Variants in C12orf42 observed in about 807,000 individuals in gnomAD.
C12orf42 encodes chromosome 12 open reading frame 42, also known as uncharacterized protein C12orf42.
Under a neutral mutation model 21.6 loss-of-function variants are expected in C12orf42, and 25 were observed. That is an observed-to-expected ratio of 1.16 (90% CI 0.84 to 1.62). C12orf42 has a LOEUF of 1.62. C12orf42 is among the 40% of genes most tolerant of loss of function. C12orf42 has a pLI of 0.00. For synonymous variants in C12orf42, 174 were observed against 175.0 expected (o/e 0.99, Z 0.05); for missense variants, 483 against 459.3 (o/e 1.05, Z -0.47).
At chr12:103,506,828 T>TTA in the C12orf42 span, among the ~76,000 whole-genome samples, 1 of 71,926 alleles carries the variant, frequency 1.4e-5, no homozygotes, top group Non-Finnish European at 2.2e-5. Flanking sequence ...ATATATATAT[T>TTA]TATATATTAT....
upstream of C12orf42, among the ~76,000 whole-genome samples, chr12:103,500,390 T>C (rs750998147): frequency 1.4e-4 from 22 of 152,226 alleles, no homozygotes; most frequent in Non-Finnish European, 2.6e-4. Context: ...AAAAGTTACA[T>C]AAAATTATTC....
intron 2 of C12orf42, among the ~76,000 whole-genome samples, chr12:103,415,041 C>T (rs1023956767): frequency 2.0e-5 from 3 of 151,824 alleles, no homozygotes; most frequent in Admixed American, 6.6e-5. Flanking sequence ...TGTAACAACA[C>T]CCGTGGGCTC....
chr12:103,253,278 T>C (rs1020858850), intron 10 of C12orf42, among the ~76,000 whole-genome samples: 1 of 152,286 alleles, frequency 6.6e-6, no homozygotes, highest in South Asian at 2.1e-4. Context: ...AGGATTGTCC[T>C]GGTTATACAT....
intron 10 of C12orf42, among the ~76,000 whole-genome samples, chr12:103,242,501 T>C (rs1335764776): frequency 6.6e-6 from 1 of 152,166 alleles, no homozygotes; most frequent in African/African-American, 2.4e-5. Context: ...CTTCACCCTG[T>C]CTTTTTAAAA....
chr12:103,242,508 A>T (rs1336393136), intron 10 of C12orf42, among the ~76,000 whole-genome samples: 1 of 152,164 alleles, frequency 6.6e-6, no homozygotes. Context: ...CTGTCTTTTT[A>T]AAAAGTTCTT....
intron 2 of C12orf42, among the ~76,000 whole-genome samples, chr12:103,445,732 C>T (rs951092603): frequency 2.0e-5 from 3 of 151,976 alleles, no homozygotes; most frequent in Non-Finnish European, 4.4e-5. Flanking sequence ...GATGCTTAAA[C>T]GAATGGAATC....
At chr12:103,286,691 T>C (rs1468026074) in intron 4 of C12orf42, among the ~76,000 whole-genome samples, 1 of 152,100 alleles carries the variant, frequency 6.6e-6, no homozygotes, top group East Asian at 1.9e-4. Flanking sequence ...TGGATATATT[T>C]GTCCCTCTTT....
chr12:103,146,201 C>G, the C12orf42 span, among the ~76,000 whole-genome samples: 1 of 151,690 alleles, frequency 6.6e-6, no homozygotes, highest in Non-Finnish European at 1.5e-5. Flanking sequence ...AAACATAGGG[C>G]TGGGCGTGGT....
chr12:103,188,888 C>A, the C12orf42 span, among the ~76,000 whole-genome samples: 1 of 152,138 alleles, frequency 6.6e-6, no homozygotes, highest in African/African-American at 2.4e-5. Context: ...TCCAGTAATC[C>A]TTTATAGCAA....
chr12:103,185,693 A>C, the C12orf42 span, among the ~76,000 whole-genome samples: 431 of 151,680 alleles, frequency 2.8e-3, 4 homozygotes, highest in African/African-American at 9.9e-3. Context: ...TTTCCCCAAT[A>C]CTGTTCTTGT....
At chr12:103,519,656 G>T in the C12orf42 span, among the ~76,000 whole-genome samples, 3 of 152,148 alleles carry the variant, frequency 2.0e-5, no homozygotes, top group Non-Finnish European at 4.4e-5. Flanking sequence ...TAAGAACATG[G>T]CCTTGTGCTT....
intron 3 of C12orf42, chr12:103,396,637 A>G (rs7296215): frequency 0.83 from 126,846 of 152,190 alleles, 52,908 homozygotes; most frequent in Admixed American, 0.88. Flanking sequence ...ATTAGTTGGC[A>G]AGTTTCTTGG....
the C12orf42 span, among the ~76,000 whole-genome samples, chr12:103,126,299 G>A: frequency 3.9e-5 from 6 of 152,184 alleles, no homozygotes; most frequent in Non-Finnish European, 8.8e-5. Flanking sequence ...TCACCACCAG[G>A]AAAGCTGACA....
At chr12:103,071,236 T>C in the C12orf42 span, among the ~76,000 whole-genome samples, 1 of 152,168 alleles carries the variant, frequency 6.6e-6, no homozygotes, top group Non-Finnish European at 1.5e-5. Context: ...TCATCCCTTT[T>C]CTCAGTTATG....
At chr12:103,267,884 A>G (rs1347381449), downstream of C12orf42, 1 of 152,184 alleles carries the variant, frequency 6.6e-6, no homozygotes, top group Non-Finnish European at 1.5e-5. Flanking sequence ...ATTTAAACAA[A>G]ATCTGAAGCA....
At chr12:103,270,974 A>C (rs1014331188) in intron 5 of C12orf42, among the ~76,000 whole-genome samples, 4 of 152,132 alleles carry the variant, frequency 2.6e-5, no homozygotes, top group Non-Finnish European at 4.4e-5. Context: ...AAGAATTATG[A>C]AATACAGGAC....
intron 4 of C12orf42, among the ~76,000 whole-genome samples, chr12:103,345,010 C>A (rs988344965): frequency 1.3e-5 from 2 of 152,118 alleles, no homozygotes; most frequent in African/African-American, 4.8e-5. Context: ...TCAGCTTTTG[C>A]CTGACTTTTG....
the C12orf42 span, among the ~76,000 whole-genome samples, chr12:103,223,258 G>A: frequency 1.3e-5 from 2 of 152,158 alleles, no homozygotes; most frequent in Non-Finnish European, 2.9e-5. Context: ...GGGATTAGGG[G>A]CGTCGTGGGA....
the C12orf42 span, among the ~76,000 whole-genome samples, chr12:103,101,138 C>A: frequency 6.6e-6 from 1 of 152,202 alleles, no homozygotes; most frequent in African/African-American, 2.4e-5. Context: ...TCACAAGGAT[C>A]AAAAGAAGAC....
Sources: allele counts gnomAD v4.1 joint callset (sites outside exome capture counted in the v4.1 genomes callset), GRCh38; gene constraint gnomAD v4.1.1; transcripts MANE v1.5; gene names NCBI Gene and HGNC (gene_info 2026-07-23, HGNC 2026-07-21).